Variants in CCDC171 observed in about 807,000 individuals in gnomAD.
CCDC171 encodes coiled-coil domain containing 171, also known as coiled-coil domain-containing protein 171.
In CCDC171, 177 loss-of-function variants were observed where a neutral mutation model predicts 168.2. That is an observed-to-expected ratio of 1.05 (90% CI 0.93 to 1.19). CCDC171 has a LOEUF of 1.19. Among genes scored for constraint, CCDC171 ranks in the 50% most tolerant of loss-of-function variants. CCDC171 has a pLI of 0.00. For synonymous variants in CCDC171, 687 were observed against 540.8 expected (o/e 1.27, Z -3.75); for missense variants, 1,991 against 1,539.0 (o/e 1.29, Z -4.91).
intron 7 of CCDC171, among the ~76,000 whole-genome samples, chr9:15,636,726 G>C (rs567780082): frequency 6.9e-6 from 1 of 144,536 alleles, no homozygotes; most frequent in African/African-American, 2.6e-5. Context: ...CTCTAGCCTG[G>C]GCAACAAAGT....
In CCDC171 at chr9:15,779,099, G is replaced by T. The variant is rs777977784; in HGVS notation, c.3030G>T (p.Glu1010Asp). ...FKRSVNEMKK[E>D]LDKAQGLQMQ... ...GAAGTGTGAATGAAATGAAAAAGGAGCTTGACAAAGCCCAGGGTCTGCAAA... is the reference window on the plus strand; with the variant it reads ...GAAGTGTGAATGAAATGAAAAAGGATCTTGACAAAGCCCAGGGTCTGCAAA... The change falls in exon 20 of 26, where the codon GAG becomes GAT. Residue 1010 changes from glutamate (E) to aspartate (D), a missense_variant. Glu to Asp is a conservative substitution (Grantham distance 45, BLOSUM62 2). Coordinates refer to ENST00000380701, the MANE Select transcript of CCDC171 (RefSeq NM_173550.4). 1 of 1,601,666 alleles carries T rather than the reference G, an allele frequency of 6.2e-7. No homozygotes were observed. Among genetic ancestry groups the T allele is most frequent in the Non-Finnish European group, 8.5e-7 (1 of 1,174,772 alleles).
At chr9:15,823,973 C>T (rs961653300) in intron 21 of CCDC171, among the ~76,000 whole-genome samples, 1 of 151,874 alleles carries the variant, frequency 6.6e-6, no homozygotes, top group Non-Finnish European at 1.5e-5. Context: ...CATATGTTGC[C>T]CACTTGAAGA....
intron 1 of CCDC171, among the ~76,000 whole-genome samples, chr9:15,558,370 A>T (rs1186380213): frequency 6.6e-6 from 1 of 151,958 alleles, no homozygotes; most frequent in Non-Finnish European, 1.5e-5. Flanking sequence ...CTGGTCCTGG[A>T]TATTTTTTGG....
intron 24 of CCDC171, among the ~76,000 whole-genome samples, chr9:15,905,545 C>G (rs901642975): frequency 6.6e-6 from 1 of 152,062 alleles, no homozygotes; most frequent in Non-Finnish European, 1.5e-5. Flanking sequence ...AAGTTTATAG[C>G]ATTAAATGCC....
At chr9:15,712,269 C>T (rs2052725214) in intron 11 of CCDC171, among the ~76,000 whole-genome samples, 1 of 152,186 alleles carries the variant, frequency 6.6e-6, no homozygotes, top group Non-Finnish European at 1.5e-5. Context: ...ATTTGGGCAC[C>T]CAATGACCCA....
At chr9:15,945,121 T>C (rs1439742271) in intron 25 of CCDC171, among the ~76,000 whole-genome samples, 1 of 149,274 alleles carries the variant, frequency 6.7e-6, no homozygotes, top group Non-Finnish European at 1.5e-5. Context: ...TGAGTGAGAA[T>C]ATGCGGTGTT....
intron 21 of CCDC171, among the ~76,000 whole-genome samples, chr9:15,835,562 G>A (rs1485712188): frequency 6.6e-6 from 1 of 151,998 alleles, no homozygotes; most frequent in Non-Finnish European, 1.5e-5. Flanking sequence ...CAGGTAGCTG[G>A]GATTACAGGT....
At chr9:15,681,127 T>G (rs2050015906) in intron 10 of CCDC171, among the ~76,000 whole-genome samples, 1 of 152,118 alleles carries the variant, frequency 6.6e-6, no homozygotes, top group Non-Finnish European at 1.5e-5. Flanking sequence ...GCAACCTTTG[T>G]TTTCCTGTTG....
At chr9:15,822,387 T>TC (rs2059815432) in intron 21 of CCDC171, among the ~76,000 whole-genome samples, 1 of 150,634 alleles carries the variant, frequency 6.6e-6, no homozygotes, top group African/African-American at 2.4e-5. Context: ...ACCATCAGAG[T>TC]GAACAGGCAA....
At chr9:15,649,469 G>T in intron 7 of CCDC171, among the ~76,000 whole-genome samples, 1 of 152,176 alleles carries the variant, frequency 6.6e-6, no homozygotes, top group Non-Finnish European at 1.5e-5. Context: ...GTAACCTACA[G>T]AATGGGAGAA....
chr9:16,009,767 T>C (rs548959961), intron 3 of CCDC171, among the ~76,000 whole-genome samples: 1 of 152,276 alleles, frequency 6.6e-6, no homozygotes, highest in Admixed American at 6.5e-5. Context: ...TTTAGTCCAA[T>C]ATTATTTGGA....
chr9:15,968,867 C>T (rs564189641), intron 25 of CCDC171, among the ~76,000 whole-genome samples: 8 of 152,244 alleles, frequency 5.3e-5, no homozygotes, highest in Admixed American at 5.2e-4. Flanking sequence ...TTTTAAGTGA[C>T]TTAAAATCAG....
intron 10 of CCDC171, among the ~76,000 whole-genome samples, chr9:15,688,996 A>C (rs544001031): frequency 6.6e-6 from 1 of 152,366 alleles, no homozygotes; most frequent in South Asian, 2.1e-4. Context: ...TAGAGCTAAT[A>C]AAGTAGTTTA....
intron 6 of CCDC171, among the ~76,000 whole-genome samples, chr9:15,619,743 C>T (rs1398514082): frequency 6.6e-6 from 1 of 152,216 alleles, no homozygotes; most frequent in Non-Finnish European, 1.5e-5. Flanking sequence ...CAATCTTCTA[C>T]TGGAAGGTGT....
intron 11 of CCDC171, among the ~76,000 whole-genome samples, chr9:15,706,199 G>T (rs2052209215): frequency 6.6e-6 from 1 of 151,966 alleles, no homozygotes; most frequent in Non-Finnish European, 1.5e-5. Context: ...ATCTTTTTCT[G>T]CTTTGAACCC....
chr9:15,578,241 TA>T (rs1379078939), intron 3 of CCDC171, among the ~76,000 whole-genome samples: 1 of 150,838 alleles, frequency 6.6e-6, no homozygotes, highest in East Asian at 1.9e-4. Context: ...TTCTTTTCTT[TA>T]TTTTTTTTTT....
intron 6 of CCDC171, among the ~76,000 whole-genome samples, chr9:16,028,040 C>T (rs1833306361): frequency 6.6e-6 from 1 of 152,098 alleles, no homozygotes; most frequent in South Asian, 2.1e-4. Flanking sequence ...TTTGAACTAG[C>T]CTTGACACAT....
At chr9:16,053,107 C>A (rs555275408) in intron 1 of CCDC171, among the ~76,000 whole-genome samples, 1 of 152,346 alleles carries the variant, frequency 6.6e-6, no homozygotes, top group African/African-American at 2.4e-5. Flanking sequence ...CTGGACAAAT[C>A]CTAACCGATG....
chr9:15,744,384 C>T lies in CCDC171; in HGVS notation c.2161C>T (p.Gln721Ter), dbSNP rs772486231. The part of the protein sequence containing the change: ...SHFKKLLSQT[Q>*]REQMSLLAAC... ...CTTCAAAAAACTGTTATCACAGACT[C>T]AAAGGGAACAGATGTCCTTGCTGGC... is the stretch of plus-strand genomic sequence containing the variant. The change falls in exon 17 of 26, where the codon CAA becomes TAA. Residue 721 changes from glutamine to a stop codon, truncating the protein, a stop_gained. Transcript: ENST00000380701. LOFTEE classifies it high-confidence loss of function. 6.8e-6 allele frequency: 11 copies of T among 1,614,190 alleles called. No homozygotes were observed. The highest frequency in any genetic ancestry group is 8.5e-6 in the Non-Finnish European group (10 of 1,180,020).
Sources: allele counts gnomAD v4.1 joint callset (sites outside exome capture counted in the v4.1 genomes callset), GRCh38; gene constraint gnomAD v4.1.1; transcripts MANE v1.5; gene names NCBI Gene and HGNC (gene_info 2026-07-23, HGNC 2026-07-21).